The following FKBP5 variants were observed in gnomAD, a reference collection of about 807,000 sequenced individuals.
FKBP5 encodes peptidyl-prolyl cis-trans isomerase FKBP5.
FKBP5 carries 23 observed loss-of-function variants against 50.5 expected under a neutral mutation model. The observed-to-expected ratio is 0.46, with a 90% CI of 0.33 to 0.65. The LOEUF (loss-of-function observed/expected upper bound fraction) is 0.65, where lower values mean the gene tolerates loss of function less well. Ranked by LOEUF, FKBP5 falls within the 30% of genes least tolerant of loss-of-function variation. The pLI is 0.02. For missense variants in FKBP5, 411 were observed against 553.1 expected (o/e 0.74, Z 2.58); for synonymous variants, 176 against 190.6 (o/e 0.92, Z 0.63).
In FKBP5 at chr6:35,575,551, T is replaced by G. The variant is rs754420927; in HGVS notation, c.*284A>C. 1 of 362,088 alleles carries G rather than the reference T, an allele frequency of 2.8e-6. No homozygotes were observed. Among genetic ancestry groups the G allele is most frequent in the Admixed American group, 3.8e-5 (1 of 26,172 alleles). 22.4% of individuals were successfully genotyped at this position (362,088 alleles called of 1,614,324 possible). A position where few individuals can be genotyped will look rare whatever the true frequency, so the allele number is the denominator to read the frequency against. On this transcript the variant is annotated 3_prime_UTR_variant, in exon 11 of 11. Transcript: ENST00000357266. ...GACCCTGAATTGGATACTTGAAGGT[T>G]GATAGAAACTGAAATGAGCTGGACT...
chr6:35,696,356 CAAA>C (rs200004122), intron 2 of FKBP5, among the ~76,000 whole-genome samples: 2 of 148,576 alleles, frequency 1.3e-5, no homozygotes, highest in Admixed American at 1.3e-4. Context: ...ACTGGCTCTA[CAAA>C]AAATTAGCCC....
chr6:35,585,907 AGTT>A (rs1762584746), intron 8 of FKBP5: 2 of 984,944 alleles, frequency 2.0e-6, no homozygotes, highest in African/African-American at 3.5e-5. Flanking sequence ...ATAATTCTCT[AGTT>A]GTTTCATTTG....
chr6:35,727,882 C>A (rs771939575), intron 1 of FKBP5, among the ~76,000 whole-genome samples: 2 of 152,322 alleles, frequency 1.3e-5, no homozygotes, highest in Non-Finnish European at 2.9e-5. Flanking sequence ...GCCTGGGGTA[C>A]CCAAGCAGGG....
rs570555138 is a variant in FKBP5 at position 35,621,608 on chromosome 6, A to G, written c.251-1334T>C. Among the ~76,000 whole-genome samples, 8 of 125,590 alleles carry G rather than the reference A, an allele frequency of 6.4e-5. No homozygotes were observed. In the East Asian group the frequency reaches 1.9e-3, roughly 31 times the overall value. The allele number at this position is 125,590 out of a possible 152,430, so 82.4% of individuals were successfully genotyped here. A position where few individuals can be genotyped will look rare whatever the true frequency, so the allele number is the denominator to read the frequency against. ...ACTCCAGCCTGGGCGACACAGCAAGACTCTGTCTCCAAAAAAAAAAAAAAA... is the reference window on the plus strand; with the variant it reads ...ACTCCAGCCTGGGCGACACAGCAAGGCTCTGTCTCCAAAAAAAAAAAAAAA... On this transcript the variant is annotated intron_variant, in intron 3 of 10. Coordinates refer to ENST00000357266, the MANE Select transcript of FKBP5 (RefSeq NM_004117.4).
intron 5 of FKBP5, among the ~76,000 whole-genome samples, chr6:35,608,818 T>G (rs888750872): frequency 2.0e-4 from 30 of 152,196 alleles, no homozygotes; most frequent in African/African-American, 6.8e-4. Flanking sequence ...TTATTATTAT[T>G]ATTTTGACAC....
At chr6:35,628,024 C>T (rs754846778) in intron 3 of FKBP5, among the ~76,000 whole-genome samples, 3 of 150,644 alleles carry the variant, frequency 2.0e-5, no homozygotes, top group Admixed American at 1.3e-4. Context: ...CCGCCCGCCT[C>T]GGCCTCCCAA....
At chr6:35,692,446 C>T (rs1766005584), upstream of FKBP5, among the ~76,000 whole-genome samples, 1 of 152,196 alleles carries the variant, frequency 6.6e-6, no homozygotes, top group African/African-American at 2.4e-5. Context: ...TACTACCGAG[C>T]TACCTTCATC....
At chr6:35,682,635 T>A (rs1015124733) in intron 1 of FKBP5, among the ~76,000 whole-genome samples, 2 of 152,154 alleles carry the variant, frequency 1.3e-5, no homozygotes, top group Non-Finnish European at 2.9e-5. Flanking sequence ...ACTGCCCACT[T>A]AGGATTTGCA....
At chr6:35,642,277 T>G (rs567029799) in intron 2 of FKBP5, among the ~76,000 whole-genome samples, 1 of 152,176 alleles carries the variant, frequency 6.6e-6, no homozygotes, top group Admixed American at 6.5e-5. Flanking sequence ...CAGTCTCAAT[T>G]TCAACATCTA....
chr6:35,678,062 A>G lies in FKBP5; in HGVS notation c.-20+10742T>C, dbSNP rs962346907. Among the ~76,000 whole-genome samples, 5 of 152,344 alleles carry G rather than the reference A, an allele frequency of 3.3e-5. No homozygotes were observed. In the East Asian group the frequency reaches 9.6e-4, roughly 29 times the overall value. On this transcript the variant is annotated intron_variant, in intron 1 of 10. Transcript: ENST00000357266. ...AACATCCTGCTTTACCACATTAACC[A>G]AATTAGGACAAGTGTAGTGAAAATC...
At chr6:35,624,159 CT>C (rs1223350065) in intron 3 of FKBP5, among the ~76,000 whole-genome samples, 2 of 152,104 alleles carry the variant, frequency 1.3e-5, no homozygotes, top group African/African-American at 4.8e-5. Context: ...AAGAAAAAGC[CT>C]CCCCAACGTC....
intron 2 of FKBP5, among the ~76,000 whole-genome samples, chr6:35,713,749 T>C (rs922065163): frequency 6.6e-6 from 1 of 152,222 alleles, no homozygotes; most frequent in Admixed American, 6.5e-5. Flanking sequence ...TCCAAAACTG[T>C]GCAGCCACCC....
intron 7 of FKBP5, among the ~76,000 whole-genome samples, chr6:35,590,510 T>C (rs1280925350): frequency 6.6e-6 from 1 of 151,892 alleles, no homozygotes; most frequent in Admixed American, 6.6e-5. Context: ...GAAACTGAGA[T>C]GGAAATATGT....
intron 7 of FKBP5, among the ~76,000 whole-genome samples, chr6:35,587,657 T>TG (rs990974576): frequency 2.9e-4 from 44 of 152,196 alleles, no homozygotes; most frequent in East Asian, 2.7e-3. Flanking sequence ...AGATGTATAC[T>TG]GGGGGGGACT....
intron 1 of FKBP5, among the ~76,000 whole-genome samples, chr6:35,649,337 C>T (rs1261061511): frequency 6.8e-6 from 1 of 148,020 alleles, no homozygotes; most frequent in Non-Finnish European, 1.5e-5. Context: ...AGCACTAAGT[C>T]TTTATTTTGT....
intron 2 of FKBP5, among the ~76,000 whole-genome samples, chr6:35,704,826 T>A (rs1766251464): frequency 6.6e-6 from 1 of 151,976 alleles, no homozygotes. Flanking sequence ...GATAACATAG[T>A]ACAAAACTGT....
At chr6:35,630,148 G>A (rs771135479) in intron 3 of FKBP5, among the ~76,000 whole-genome samples, 2 of 151,734 alleles carry the variant, frequency 1.3e-5, no homozygotes, top group African/African-American at 2.4e-5. Context: ...AAGAGAGAGA[G>A]AAAGAGGGAG....
At chr6:35,578,352 C>T (rs1762294961) in intron 9 of FKBP5, among the ~76,000 whole-genome samples, 2 of 152,110 alleles carry the variant, frequency 1.3e-5, no homozygotes, top group South Asian at 4.1e-4. Context: ...ACCACTGTGC[C>T]TGGCTTCAGT....
intron 3 of FKBP5, among the ~76,000 whole-genome samples, chr6:35,635,212 G>A (rs1764275367): frequency 6.6e-6 from 1 of 152,100 alleles, no homozygotes; most frequent in Non-Finnish European, 1.5e-5. Context: ...GTGTACGCCT[G>A]TAGTCCCAGC....
Sources: allele counts gnomAD v4.1 joint callset (sites outside exome capture counted in the v4.1 genomes callset), GRCh38; gene constraint gnomAD v4.1.1; transcripts MANE v1.5; gene names NCBI Gene and HGNC (gene_info 2026-07-23, HGNC 2026-07-21).